Variants in PLPP1 observed in about 807,000 individuals in gnomAD.
PLPP1 encodes lipid phosphate phosphohydrolase 1a.
Under a neutral mutation model 31.2 loss-of-function variants are expected in PLPP1, and 24 were observed. The ratio of observed to expected loss-of-function variants is 0.77; its 90% confidence interval spans 0.56 to 1.08. PLPP1 has a LOEUF of 1.08. PLPP1 is among the 50% of genes least tolerant of loss of function. PLPP1 has a pLI of 0.00. For missense variants in PLPP1, 319 were observed against 342.7 expected, an observed-to-expected ratio of 0.93 and a Z score of 0.55; for synonymous variants, 146 against 126.3, an observed-to-expected ratio of 1.16 and a Z score of -1.05.
chr5:55,507,500 A>G (rs914544795), intron 1 of PLPP1, among the ~76,000 whole-genome samples: 3 of 152,246 alleles, frequency 2.0e-5, no homozygotes, highest in African/African-American at 7.2e-5. Flanking sequence ...GAAAGGGAGC[A>G]GGGAAAATGA....
intron 3 of PLPP1, among the ~76,000 whole-genome samples, chr5:55,444,089 T>C (rs1333955008): frequency 6.6e-6 from 1 of 151,978 alleles, no homozygotes; most frequent in Non-Finnish European, 1.5e-5. Context: ...AAATGCTTTT[T>C]TTTTTTTTTT....
intron 1 of PLPP1, among the ~76,000 whole-genome samples, chr5:55,513,656 T>C (rs1579978704): frequency 6.6e-6 from 1 of 152,170 alleles, no homozygotes; most frequent in Admixed American, 6.5e-5. Flanking sequence ...GGTTCATACA[T>C]AGGCTAGGAG....
chr5:55,449,140 G>A (rs1003794213), intron 3 of PLPP1, among the ~76,000 whole-genome samples: 6 of 152,140 alleles, frequency 3.9e-5, no homozygotes, highest in Admixed American at 6.5e-5. Flanking sequence ...ACTGATACAA[G>A]CTGTGTCTCC....
chr5:55,441,721 C>T lies in PLPP1; in HGVS notation c.549+130G>A, dbSNP rs1276224679. 5.0e-6 allele frequency: 5 copies of T among 998,492 alleles called. No homozygotes were observed. In the East Asian group the frequency reaches 1.2e-4, roughly 24 times the overall value. 61.9% of individuals were successfully genotyped at this position (998,492 alleles called of 1,614,324 possible). On this transcript the variant is annotated intron_variant, in intron 4 of 5. Transcript: ENST00000307259. ...CAACTACTTCTCAGTATGAAACTTA[C>T]AGATTTGCAGATCATCTGTTTCACC...
intron 1 of PLPP1, among the ~76,000 whole-genome samples, chr5:55,491,684 C>A (rs1301878462): frequency 6.6e-6 from 1 of 151,400 alleles, no homozygotes; most frequent in East Asian, 1.9e-4. Context: ...ATGATGAAAC[C>A]CCGTCTCTAC....
chr5:55,427,176 T>C (rs927993696), intron 4 of PLPP1, among the ~76,000 whole-genome samples: 1 of 152,074 alleles, frequency 6.6e-6, no homozygotes, highest in Non-Finnish European at 1.5e-5. Flanking sequence ...TTCAATAATA[T>C]ATGACTCGTA....
Position 55,476,167 on chromosome 5 carries a change from T to G in PLPP1, c.59-717A>C, listed in dbSNP as rs1417106485. On this transcript the variant is annotated intron_variant, in intron 1 of 5. Transcript: ENST00000307259. Reference sequence around the variant, plus strand: ...CTGGTTTGTTGGTTTTTTTGGGGGTTTTTTTTTGTTTTTTGTTTGTTTGTT... The same window carrying G: ...CTGGTTTGTTGGTTTTTTTGGGGGTGTTTTTTTGTTTTTTGTTTGTTTGTT... Among the ~76,000 whole-genome samples, 29 of 150,918 alleles carry G rather than the reference T, an allele frequency of 1.9e-4. 1 individual carries two copies. Among genetic ancestry groups the G allele is most frequent in the East Asian group, 1.9e-4 (1 of 5,144 alleles).
intron 3 of PLPP1, among the ~76,000 whole-genome samples, chr5:55,449,192 A>G (rs1751839567): frequency 6.6e-6 from 1 of 152,222 alleles, no homozygotes; most frequent in African/African-American, 2.4e-5. Flanking sequence ...CACACAAACT[A>G]TACAATTTCA....
At chr5:55,443,204 TATATATATAC>T (rs1247450459) in intron 3 of PLPP1, among the ~76,000 whole-genome samples, 9 of 97,068 alleles carry the variant, frequency 9.3e-5, no homozygotes, top group Non-Finnish European at 1.5e-4. Context: ...TATATATATA[TATATATATAC>T]ACACACACAC....
chr5:55,510,304 TTTATATGACA>T (rs1307191431), intron 1 of PLPP1, among the ~76,000 whole-genome samples: 1 of 152,204 alleles, frequency 6.6e-6, no homozygotes, highest in Non-Finnish European at 1.5e-5. Context: ...TATGATTCCA[TTTATATGACA>T]TTATATGACA....
intron 2 of PLPP1, among the ~76,000 whole-genome samples, chr5:55,470,852 T>C (rs558684102): frequency 6.6e-6 from 1 of 152,338 alleles, no homozygotes; most frequent in East Asian, 1.9e-4. Flanking sequence ...TTCTGGGATA[T>C]GATAAATTAT....
chr5:55,503,982 T>C (rs374018829), intron 1 of PLPP1, among the ~76,000 whole-genome samples: 5 of 150,870 alleles, frequency 3.3e-5, no homozygotes, highest in South Asian at 2.1e-4. Flanking sequence ...TGGACCTCCT[T>C]AAGACTAATG....
rs1178247543 is a variant in PLPP1, at chr5:55,443,177, TAA to T, written c.492-1271_492-1270del. On this transcript the variant is annotated intron_variant, in intron 3 of 5. Transcript: ENST00000307259. ...AGTGGGTGGGAAAGAAAGGATTACT[TAA>T]AAAAAAAAAAAAAATATATATATAT... is the stretch of plus-strand genomic sequence containing the variant. 6.0e-3 allele frequency among the ~76,000 whole-genome samples: 308 copies of T among 50,998 alleles called. 4 individuals are homozygous for T. The highest frequency in any genetic ancestry group is 0.021 in the African/African-American group (268 of 12,838). 33.5% of individuals were successfully genotyped at this position (50,998 alleles called of 152,430 possible).
intron 1 of PLPP1, among the ~76,000 whole-genome samples, chr5:55,525,859 C>CA (rs1740414716): frequency 6.8e-6 from 1 of 147,864 alleles, no homozygotes. Flanking sequence ...ATGGCAAATG[C>CA]TTTTTTTTTT....
Position 55,424,992 on chromosome 5 carries a change from G to A in PLPP1, c.*214C>T. The A allele has an allele frequency of 1.4e-6, 1 of 694,344 alleles. No individual in the cohort carries two copies. Among genetic ancestry groups the A allele is most frequent in the Non-Finnish European group, 2.3e-6 (1 of 428,844 alleles). The allele number at this position is 694,344 out of a possible 1,614,324, so 43.0% of individuals were successfully genotyped here. A position where few individuals can be genotyped will look rare whatever the true frequency, so the allele number is the denominator to read the frequency against. Reference sequence around the variant, plus strand: ...ATACAGGTGGGGCACTGTTTTGGTGGAAGGCTTGGAGTTTTTTTAATGAGT... The same window carrying A: ...ATACAGGTGGGGCACTGTTTTGGTGAAAGGCTTGGAGTTTTTTTAATGAGT... On this transcript the variant is annotated 3_prime_UTR_variant, in exon 6 of 6. Coordinates refer to ENST00000307259, the MANE Select transcript of PLPP1 (RefSeq NM_003711.4).
intron 1 of PLPP1, among the ~76,000 whole-genome samples, chr5:55,485,523 A>C (rs920259253): frequency 6.6e-6 from 1 of 152,116 alleles, no homozygotes. Flanking sequence ...CACACACATA[A>C]CAGTTAAGCT....
At chr5:55,526,520 C>T (rs182290349) in intron 1 of PLPP1, among the ~76,000 whole-genome samples, 2 of 152,134 alleles carry the variant, frequency 1.3e-5, no homozygotes, top group Admixed American at 1.3e-4. Context: ...AATTTTTGTT[C>T]GTTTTTTGAG....
intron 3 of PLPP1, among the ~76,000 whole-genome samples, chr5:55,462,606 C>G (rs1752189604): frequency 6.6e-6 from 1 of 151,766 alleles, no homozygotes. Flanking sequence ...AAGCAAAAAC[C>G]ATAAAAGAAA....
At chr5:55,472,021 C>T (rs758435124) in intron 2 of PLPP1, among the ~76,000 whole-genome samples, 22 of 152,192 alleles carry the variant, frequency 1.4e-4, no homozygotes, top group Non-Finnish European at 1.8e-4. Context: ...CCTCAGGTGG[C>T]TGAAGCAGGA....
Sources: gnomAD v4.1 joint callset for allele counts (sites outside exome capture counted in the v4.1 genomes callset) on GRCh38, gnomAD v4.1.1 for gene constraint, MANE v1.5 for transcripts, NCBI Gene and HGNC (gene_info 2026-07-23, HGNC 2026-07-21) for gene names.